Variants in OSTF1 observed in about 807,000 individuals in gnomAD.
OSTF1 encodes osteoclast-stimulating factor 1.
OSTF1 carries 27 observed loss-of-function variants against 37.2 expected under a neutral mutation model. The ratio of observed to expected loss-of-function variants is 0.73; its 90% CI spans 0.54 to 1.00. The LOEUF (loss-of-function observed/expected upper bound fraction) is 1.00, where lower values mean the gene tolerates loss of function less well. Ranked by LOEUF, OSTF1 falls within the 50% of genes least tolerant of loss-of-function variation. OSTF1 has a pLI of 0.00. For synonymous variants in OSTF1, 82 were observed against 89.2 expected, an observed-to-expected ratio of 0.92 and a Z score of 0.46; for missense variants, 232 against 253.8, an observed-to-expected ratio of 0.91 and a Z score of 0.58.
intron 8 of OSTF1, among the ~76,000 whole-genome samples, chr9:75,138,548 G>GTAA (rs892015143): frequency 4.6e-5 from 7 of 152,076 alleles, no homozygotes; most frequent in African/African-American, 1.7e-4. Context: ...GAAACAAAAA[G>GTAA]TAAAACATCA....
intron 2 of OSTF1, among the ~76,000 whole-genome samples, chr9:75,125,854 G>C (rs1178118461): frequency 6.6e-6 from 1 of 152,198 alleles, no homozygotes; most frequent in Admixed American, 6.5e-5. Flanking sequence ...CTGCTACTGA[G>C]AGGAGGTAAA....
At chr9:75,109,521 AC>A in intron 1 of OSTF1, among the ~76,000 whole-genome samples, 1 of 152,390 alleles carries the variant, frequency 6.6e-6, no homozygotes, top group South Asian at 2.1e-4. Context: ...TGTATAGTGT[AC>A]ACTGGTCTTT....
intron 7 of OSTF1, among the ~76,000 whole-genome samples, chr9:75,137,217 C>G (rs1240605664): frequency 6.6e-6 from 1 of 152,158 alleles, no homozygotes; most frequent in Non-Finnish European, 1.5e-5. Flanking sequence ...CAGGAATCTC[C>G]AATTCCTAAT....
intron 3 of OSTF1, among the ~76,000 whole-genome samples, chr9:75,128,084 G>T (rs1051681586): frequency 6.6e-6 from 1 of 151,736 alleles, no homozygotes; most frequent in East Asian, 1.9e-4. Context: ...CTTTCTCTAG[G>T]TGGAAGGAGA....
At chr9:75,109,169 C>T (rs894314218) in intron 1 of OSTF1, among the ~76,000 whole-genome samples, 5 of 152,018 alleles carry the variant, frequency 3.3e-5, no homozygotes, top group East Asian at 3.9e-4. Context: ...CCCGCCAACA[C>T]GCCCGGCTAG....
intron 7 of OSTF1, 142 bp from the exon 8 acceptor site, chr9:75,137,396 C>G (rs753542155): frequency 1.0e-5 from 6 of 595,116 alleles, no homozygotes; most frequent in Non-Finnish European, 1.8e-5. Flanking sequence ...TTCCTTTTCT[C>G]TTTGGAATTT....
intron 9 of OSTF1, among the ~76,000 whole-genome samples, chr9:75,141,867 C>G (rs1046275840): frequency 6.6e-6 from 1 of 152,128 alleles, no homozygotes; most frequent in Non-Finnish European, 1.5e-5. Context: ...CCCATCTCAG[C>G]TTCCTGAGAA....
At chr9:75,096,779 G>T (rs1346981583) in intron 1 of OSTF1, among the ~76,000 whole-genome samples, 2 of 152,178 alleles carry the variant, frequency 1.3e-5, no homozygotes, top group Non-Finnish European at 2.9e-5. Context: ...CGCTGAGTGT[G>T]GGTTAGACGG....
At chr9:75,131,903 C>A in intron 5 of OSTF1, 80 bp downstream of exon 5, 2 of 966,796 alleles carry the variant, frequency 2.1e-6, no homozygotes, top group Non-Finnish European at 3.3e-6. Flanking sequence ...AGTGCATACA[C>A]CCACGTAACC....
chr9:75,127,956 G>A (rs1825686650), intron 3 of OSTF1, among the ~76,000 whole-genome samples: 1 of 151,994 alleles, frequency 6.6e-6, no homozygotes, highest in Non-Finnish European at 1.5e-5. Context: ...AGGAAAGGGT[G>A]AGAGTGTATG....
At chr9:75,105,352 A>G (rs1032286191) in intron 1 of OSTF1, among the ~76,000 whole-genome samples, 2 of 152,224 alleles carry the variant, frequency 1.3e-5, no homozygotes, top group African/African-American at 4.8e-5. Context: ...CGTAGGCCAC[A>G]CGTTGCTCTT....
chr9:75,112,152 G>A (rs187369263), intron 1 of OSTF1, among the ~76,000 whole-genome samples: 1 of 150,716 alleles, frequency 6.6e-6, no homozygotes, highest in Admixed American at 6.6e-5. Flanking sequence ...TGTTTGCAGG[G>A]AAGATAATAT....
At position 75,099,986 on chromosome 9, in the gene OSTF1, T is replaced by G. The variant is rs115979724; in HGVS notation, c.34+11260T>G. On this transcript the variant is annotated intron_variant, in intron 1 of 9. Coordinates refer to ENST00000346234, the MANE Select transcript of OSTF1 (RefSeq NM_012383.5). ...TTCTATTCATAGTTGAAAATTATTATAGTGCTCAAGTGTTAGTTTTCCACT... is the reference window on the plus strand; with the variant it reads ...TTCTATTCATAGTTGAAAATTATTAGAGTGCTCAAGTGTTAGTTTTCCACT... 3.1e-3 allele frequency among the ~76,000 whole-genome samples: 471 copies of G among 152,356 alleles called. 2 individuals are homozygous for G. The highest frequency in any genetic ancestry group is 0.011 in the African/African-American group (460 of 41,592).
intron 1 of OSTF1, among the ~76,000 whole-genome samples, chr9:75,112,069 C>T (rs1825400934): frequency 1.3e-5 from 2 of 150,976 alleles, no homozygotes. Context: ...GTGATCTGCC[C>T]ACCTCAGCCT....
intron 3 of OSTF1, among the ~76,000 whole-genome samples, chr9:75,130,039 G>A (rs1232151941): frequency 6.6e-6 from 1 of 152,036 alleles, no homozygotes; most frequent in Non-Finnish European, 1.5e-5. Flanking sequence ...GGAGGGGAGG[G>A]ACGTCATGGG....
chr9:75,139,052 T>C, intron 8 of OSTF1, among the ~76,000 whole-genome samples: 1 of 144,084 alleles, frequency 6.9e-6, no homozygotes, highest in African/African-American at 2.8e-5. Context: ...CTTTCTTTCT[T>C]TCTTTTTTTT....
intron 3 of OSTF1, among the ~76,000 whole-genome samples, chr9:75,128,575 T>A (rs1282400756): frequency 1.7e-4 from 2 of 12,050 alleles, no homozygotes; most frequent in Non-Finnish European, 4.3e-4. Flanking sequence ...ATATATATAT[T>A]TTGTCCATAT....
chr9:75,088,738 A>T lies in OSTF1; in HGVS notation c.34+12A>T, dbSNP rs1172153076. ...ACCAGTCAAACCAGGTGAGGGAGGTAAGGTAGGCGCTTGCCAGGTCCTGCG... is the reference window on the plus strand; with the variant it reads ...ACCAGTCAAACCAGGTGAGGGAGGTTAGGTAGGCGCTTGCCAGGTCCTGCG... On this transcript the variant is annotated intron_variant, in intron 1 of 9. Transcript: ENST00000346234. 6 of 1,604,402 alleles carry T rather than the reference A, an allele frequency of 3.7e-6. No homozygotes were observed. Among genetic ancestry groups the T allele is most frequent in the Non-Finnish European group, 5.1e-6 (6 of 1,175,212 alleles).
chr9:75,116,536 A>T (rs1190568707), intron 1 of OSTF1, among the ~76,000 whole-genome samples: 1 of 151,558 alleles, frequency 6.6e-6, no homozygotes, highest in African/African-American at 2.4e-5. Flanking sequence ...AGGACAACTC[A>T]GGCATGTGAC....
Sources: gnomAD v4.1 joint callset for allele counts (sites outside exome capture counted in the v4.1 genomes callset) on GRCh38, gnomAD v4.1.1 for gene constraint, MANE v1.5 for transcripts, NCBI Gene and HGNC (gene_info 2026-07-23, HGNC 2026-07-21) for gene names.